Variants in NCOA6 observed in about 807,000 individuals in gnomAD.
NCOA6 encodes NRC RAP250.
Under a neutral mutation model 171.4 loss-of-function variants are expected in NCOA6, and 49 were observed. That is an observed-to-expected ratio of 0.29 (90% confidence interval 0.23 to 0.36). NCOA6 has a LOEUF of 0.36. NCOA6 is among the 10% of genes least tolerant of loss of function. NCOA6 has a pLI of 1.00. For missense variants in NCOA6, 2,248 were observed against 2,554.5 expected (o/e 0.88, Z 2.59); for synonymous variants, 910 against 927.5 (o/e 0.98, Z 0.34).
chr20:34,748,561 G>T (rs142865489), intron 9 of NCOA6, among the ~76,000 whole-genome samples: 1 of 151,786 alleles, frequency 6.6e-6, no homozygotes, highest in Non-Finnish European at 1.5e-5. Flanking sequence ...ATGATTAAAG[G>T]CACAAAATAT....
At chr20:34,805,746 T>G (rs1230540033) in intron 1 of NCOA6, among the ~76,000 whole-genome samples, 2 of 151,538 alleles carry the variant, frequency 1.3e-5, no homozygotes, top group African/African-American at 4.9e-5. Flanking sequence ...TAGTATGCAG[T>G]GGTATGATCT....
intron 14 of NCOA6, among the ~76,000 whole-genome samples, chr20:34,715,681 C>T (rs372714871): frequency 3.3e-5 from 5 of 152,236 alleles, no homozygotes; most frequent in South Asian, 2.1e-4. Flanking sequence ...CAGTTCTCAT[C>T]ATAAAACGAA....
intron 1 of NCOA6, among the ~76,000 whole-genome samples, chr20:34,808,607 T>C (rs1334563328): frequency 6.6e-6 from 1 of 151,956 alleles, no homozygotes. Flanking sequence ...CCTGGCTAAT[T>C]TTGTATTTTT....
chr20:34,791,152 G>T (rs560329603), intron 2 of NCOA6, among the ~76,000 whole-genome samples: 4 of 152,146 alleles, frequency 2.6e-5, no homozygotes, highest in Non-Finnish European at 4.4e-5. Context: ...CCACTGAACT[G>T]TTCACTTTAA....
At chr20:34,737,885 T>C (rs2076005516) in intron 11 of NCOA6, among the ~76,000 whole-genome samples, 1 of 152,214 alleles carries the variant, frequency 6.6e-6, no homozygotes, top group Non-Finnish European at 1.5e-5. Context: ...ACTTTAGTGT[T>C]CATTTCTCAA....
chr20:34,745,138 C>A (rs1237347673), intron 10 of NCOA6, among the ~76,000 whole-genome samples: 1 of 152,144 alleles, frequency 6.6e-6, no homozygotes, highest in Non-Finnish European at 1.5e-5. Context: ...AACTCCTATG[C>A]CTTTAGGGGC....
chr20:34,791,221 C>G (rs911221435), intron 2 of NCOA6, among the ~76,000 whole-genome samples: 1 of 152,322 alleles, frequency 6.6e-6, no homozygotes, highest in Non-Finnish European at 1.5e-5. Flanking sequence ...ACTCAGAACT[C>G]AGCCCACTCC....
chr20:34,778,367 G>A (rs2077406591), intron 3 of NCOA6, among the ~76,000 whole-genome samples: 2 of 152,086 alleles, frequency 1.3e-5, no homozygotes, highest in Admixed American at 6.5e-5. Context: ...GTAGAATGGT[G>A]GTTTCCAGGG....
At chr20:34,767,046 G>A (rs2077001964) in intron 5 of NCOA6, among the ~76,000 whole-genome samples, 1 of 152,116 alleles carries the variant, frequency 6.6e-6, no homozygotes, top group Admixed American at 6.5e-5. Context: ...CAACAGCACA[G>A]GTCCTGACAT....
intron 1 of NCOA6, among the ~76,000 whole-genome samples, chr20:34,796,003 A>AT (rs569229378): frequency 0.034 from 3,295 of 95,730 alleles, 41 homozygotes; most frequent in East Asian, 0.043. Flanking sequence ...ATATGTTTGA[A>AT]TTTTTTTTTT....
chr20:34,734,000 G>C (rs1015491121), intron 12 of NCOA6, among the ~76,000 whole-genome samples: 14 of 152,088 alleles, frequency 9.2e-5, no homozygotes, highest in Admixed American at 9.2e-4. Flanking sequence ...TGCTGGCTTG[G>C]CTGGAACGTA....
At chr20:34,764,009 ATTTT>A (rs11471838) in intron 5 of NCOA6, among the ~76,000 whole-genome samples, 2 of 107,256 alleles carry the variant, frequency 1.9e-5, no homozygotes, top group Non-Finnish European at 1.8e-5. Context: ...CACCTTTGAC[ATTTT>A]TTTTTTTTTT....
chr20:34,810,579 G>A (rs186030942), intron 1 of NCOA6, among the ~76,000 whole-genome samples: 9 of 149,624 alleles, frequency 6.0e-5, no homozygotes, highest in South Asian at 4.2e-4. Flanking sequence ...TTTTTGAGAC[G>A]GAGTCTCGCT....
chr20:34,754,111 A>T (rs1450898670), intron 8 of NCOA6, among the ~76,000 whole-genome samples: 1 of 152,232 alleles, frequency 6.6e-6, no homozygotes, highest in Admixed American at 6.5e-5. Context: ...AAGTTTGAAA[A>T]ATATCACACT....
chr20:34,775,672 C>CACAAAAAAAAAAAAAA (rs2077293520), intron 4 of NCOA6, among the ~76,000 whole-genome samples: 1 of 77,572 alleles, frequency 1.3e-5, no homozygotes. Context: ...GACTCTGTCT[C>CACAAAAAAAAAAAAAA]AAAAAAAAAA....
chr20:34,802,967 T>A (rs1281565917), intron 1 of NCOA6, among the ~76,000 whole-genome samples: 1 of 151,828 alleles, frequency 6.6e-6, no homozygotes, highest in Non-Finnish European at 1.5e-5. Context: ...GCCTCCACCA[T>A]GCCCGGCTAA....
At chr20:34,816,367 C>T (rs2078834711) in intron 1 of NCOA6, among the ~76,000 whole-genome samples, 1 of 152,064 alleles carries the variant, frequency 6.6e-6, no homozygotes, top group Non-Finnish European at 1.5e-5. Context: ...GATGAAGTTA[C>T]TCCTACTGGA....
chr20:34,751,393 A>AAAAAAAAAAAAAAAG (rs2076482646), intron 8 of NCOA6, among the ~76,000 whole-genome samples: 1 of 135,064 alleles, frequency 7.4e-6, no homozygotes, highest in African/African-American at 2.6e-5. Context: ...AAAAAAAAAA[A>AAAAAAAAAAAAAAAG]AAAGAATGTG....
intron 1 of NCOA6, among the ~76,000 whole-genome samples, chr20:34,808,019 A>T (rs1484392766): frequency 6.6e-6 from 1 of 151,508 alleles, no homozygotes; most frequent in Non-Finnish European, 1.5e-5. Flanking sequence ...GTGTGGTGGC[A>T]GGCGCCTGTA....
Sources: allele counts gnomAD v4.1 joint callset (sites outside exome capture counted in the v4.1 genomes callset), GRCh38; gene constraint gnomAD v4.1.1; transcripts MANE v1.5; gene names NCBI Gene and HGNC (gene_info 2026-07-23, HGNC 2026-07-21).